Variants in FRMD5 observed in about 807,000 individuals in gnomAD.
FRMD5 encodes the protein FERM domain-containing protein 5.
A neutral mutation model predicts 69.0 loss-of-function variants in FRMD5; 20 were observed. The ratio of observed to expected loss-of-function variants is 0.29; its 90% CI spans 0.20 to 0.42. The LOEUF is 0.42. FRMD5 is among the 10% of genes least tolerant of loss of function. The pLI is 1.00. For missense variants in FRMD5, 595 were observed against 708.6 expected (o/e 0.84, Z 1.82); for synonymous variants, 271 against 260.1 (o/e 1.04, Z -0.40).
chr15:43,892,154 G>A lies in FRMD5; in HGVS notation c.640-85C>T, dbSNP rs147026777. The A allele has an allele frequency of 5.6e-4, 650 of 1,167,070 alleles. 3 individuals are homozygous for A. The African/African-American group carries it at 8.8e-3, about 16-fold the overall frequency. 72.3% of individuals were successfully genotyped at this position (1,167,070 alleles called of 1,614,324 possible). A position where few individuals can be genotyped will look rare whatever the true frequency, so the allele number is the denominator to read the frequency against. ...ACACAGCTGTTCATAGGTGATGCAG[G>A]GTTAATACTTGGCAGTAGGTCACAG... On this transcript the variant is annotated intron_variant, in intron 7 of 13. Transcript: ENST00000417257.
chr15:43,985,018 C>A (rs6493091), intron 1 of FRMD5, among the ~76,000 whole-genome samples: 1 of 149,906 alleles, frequency 6.7e-6, no homozygotes, highest in Non-Finnish European at 1.5e-5. Flanking sequence ...CGGTGGCTCA[C>A]GCCTGTAATT....
intron 1 of FRMD5, among the ~76,000 whole-genome samples, chr15:44,102,420 C>A (rs1014152609): frequency 6.6e-6 from 1 of 152,056 alleles, no homozygotes; most frequent in Non-Finnish European, 1.5e-5. Context: ...TGAAGGAGGT[C>A]CTCAATCTAA....
intron 1 of FRMD5, among the ~76,000 whole-genome samples, chr15:43,970,262 AT>A (rs1448049795): frequency 2.0e-5 from 3 of 152,138 alleles, no homozygotes; most frequent in Non-Finnish European, 2.9e-5. Flanking sequence ...TTTCTTGACA[AT>A]TTACTCTTGT....
intron 1 of FRMD5, among the ~76,000 whole-genome samples, chr15:43,942,302 A>G (rs929303638): frequency 1.3e-5 from 2 of 152,238 alleles, no homozygotes; most frequent in African/African-American, 2.4e-5. Context: ...CTCAAAGACA[A>G]GAGTCCCTCA....
intron 1 of FRMD5, among the ~76,000 whole-genome samples, chr15:43,971,379 A>C (rs1345596328): frequency 6.6e-6 from 1 of 152,164 alleles, no homozygotes; most frequent in Non-Finnish European, 1.5e-5. Flanking sequence ...CAGAGAGTAC[A>C]TCTGCTACTA....
intron 1 of FRMD5, among the ~76,000 whole-genome samples, chr15:43,999,524 T>C (rs1890085734): frequency 1.3e-5 from 2 of 152,170 alleles, no homozygotes; most frequent in Non-Finnish European, 2.9e-5. Context: ...CACCATGCTG[T>C]ATATTCGGTC....
chr15:44,084,981 C>A (rs1894138646), intron 1 of FRMD5, among the ~76,000 whole-genome samples: 1 of 152,050 alleles, frequency 6.6e-6, no homozygotes, highest in Admixed American at 6.6e-5. Flanking sequence ...GATATCATTA[C>A]ACACAAATGA....
intron 1 of FRMD5, among the ~76,000 whole-genome samples, chr15:44,154,168 CA>C (rs2077490210): frequency 6.6e-6 from 1 of 151,944 alleles, no homozygotes; most frequent in South Asian, 2.1e-4. Flanking sequence ...ATAAAAAATA[CA>C]AAAATTAACT....
chr15:43,876,212 T>C lies in FRMD5; in HGVS notation c.1136-1750A>G, dbSNP rs1018120379. Reference sequence around the variant, plus strand: ...CAGAGGCTGCACCCCCTTTCCCCGCTTTTCCAGAACCACTTTTTCCTTTGG... The same window carrying C: ...CAGAGGCTGCACCCCCTTTCCCCGCCTTTCCAGAACCACTTTTTCCTTTGG... On this transcript the variant is annotated intron_variant, in intron 13 of 13. Coordinates refer to ENST00000417257, the MANE Select transcript of FRMD5 (RefSeq NM_032892.5). 45 of 1,592,386 alleles carry C rather than the reference T, an allele frequency of 2.8e-5. No individual in the cohort carries two copies. The Middle Eastern group carries it at 2.6e-3, about 91-fold the overall frequency.
intron 6 of FRMD5, among the ~76,000 whole-genome samples, chr15:43,904,184 G>A (rs2089116159): frequency 6.6e-6 from 1 of 152,164 alleles, no homozygotes; most frequent in Non-Finnish European, 1.5e-5. Context: ...TAAAATCATT[G>A]AGTGAAGGGT....
chr15:44,170,212 A>G (rs1233574758), intron 1 of FRMD5, among the ~76,000 whole-genome samples: 1 of 152,092 alleles, frequency 6.6e-6, no homozygotes, highest in Non-Finnish European at 1.5e-5. Flanking sequence ...CATCAAGCCC[A>G]GCTGGTTGCT....
intron 4 of FRMD5, among the ~76,000 whole-genome samples, chr15:43,913,154 CATT>C (rs2089321150): frequency 6.6e-6 from 1 of 152,124 alleles, no homozygotes; most frequent in African/African-American, 2.4e-5. Context: ...TCCAAGGCAT[CATT>C]ATTGATGGCA....
intron 7 of FRMD5, among the ~76,000 whole-genome samples, chr15:43,896,980 AGAGGAGAAGGAG>A (rs2140385455): frequency 6.6e-6 from 1 of 152,266 alleles, no homozygotes; most frequent in South Asian, 2.1e-4. Flanking sequence ...ATGGAAATGA[AGAGGAGAAGGAG>A]GAGGAGGAGG....
At chr15:44,076,214 G>A (rs1893757921) in intron 1 of FRMD5, among the ~76,000 whole-genome samples, 1 of 151,878 alleles carries the variant, frequency 6.6e-6, no homozygotes, top group Non-Finnish European at 1.5e-5. Flanking sequence ...AGTCAGTGTG[G>A]CAATTCCTCA....
At chr15:44,132,502 C>T (rs1313853710) in intron 1 of FRMD5, among the ~76,000 whole-genome samples, 1 of 152,144 alleles carries the variant, frequency 6.6e-6, no homozygotes, top group Non-Finnish European at 1.5e-5. Context: ...GATCTCTGCT[C>T]ACTGCATCCT....
chr15:44,090,509 G>A (rs1284354727), intron 1 of FRMD5, among the ~76,000 whole-genome samples: 2 of 150,606 alleles, frequency 1.3e-5, no homozygotes, highest in East Asian at 1.9e-4. Context: ...GCGTGATCTC[G>A]GCTCACTACA....
intron 1 of FRMD5, among the ~76,000 whole-genome samples, chr15:44,030,978 A>AT (rs1891655068): frequency 6.6e-6 from 1 of 151,290 alleles, no homozygotes. Context: ...AAAAAGAAAA[A>AT]AAAAAAGAAG....
chr15:44,096,321 G>A (rs1241190178), intron 1 of FRMD5, among the ~76,000 whole-genome samples: 3 of 150,356 alleles, frequency 2.0e-5, no homozygotes, highest in South Asian at 4.2e-4. Flanking sequence ...TAAAGCAATC[G>A]TAGTAGCATA....
At chr15:43,943,067 C>T (rs574649383) in intron 1 of FRMD5, among the ~76,000 whole-genome samples, 65 of 152,280 alleles carry the variant, frequency 4.3e-4, no homozygotes, top group African/African-American at 1.6e-3. Flanking sequence ...CATGAAGAAA[C>T]CCTGTCTCTA....
Sources: allele counts gnomAD v4.1 joint callset (sites outside exome capture counted in the v4.1 genomes callset), GRCh38; gene constraint gnomAD v4.1.1; transcripts MANE v1.5; gene names NCBI Gene and HGNC (gene_info 2026-07-23, HGNC 2026-07-21).